Variants in HP1BP3 observed in about 807,000 individuals in gnomAD.
The protein encoded by HP1BP3 is heterochromatin protein 1-binding protein 3.
HP1BP3 carries 12 observed loss-of-function variants against 62.5 expected under a neutral mutation model. The ratio of observed to expected loss-of-function variants is 0.19; its 90% CI spans 0.12 to 0.31. The LOEUF is 0.31. Among genes scored for constraint, HP1BP3 ranks in the 10% least tolerant of loss-of-function variants. HP1BP3 has a pLI of 1.00. For synonymous variants in HP1BP3, 260 were observed against 237.8 expected (o/e 1.09, Z -0.86); for missense variants, 502 against 651.8 (o/e 0.77, Z 2.50).
chr1:20,772,881 CTATG>C (rs1172254117), intron 5 of HP1BP3, among the ~76,000 whole-genome samples: 1 of 152,032 alleles, frequency 6.6e-6, no homozygotes, highest in African/African-American at 2.4e-5. Flanking sequence ...AATCATAAAT[CTATG>C]TAAGGAGGAT....
At chr1:20,766,067 T>G (rs2056768528) in intron 7 of HP1BP3, among the ~76,000 whole-genome samples, 1 of 151,764 alleles carries the variant, frequency 6.6e-6, no homozygotes, top group Non-Finnish European at 1.5e-5. Flanking sequence ...TGAGGTGGGC[T>G]GATAACCTGA....
intron 8 of HP1BP3, among the ~76,000 whole-genome samples, chr1:20,757,912 G>A (rs1453974413): frequency 2.0e-5 from 3 of 152,054 alleles, no homozygotes; most frequent in Admixed American, 6.6e-5. Flanking sequence ...TTGGGAGGCC[G>A]AGGCGGGTGG....
Position 20,757,234 on chromosome 1 carries a change from G to C in HP1BP3, c.913C>G (p.Leu305Val). 1.9e-6 allele frequency: 3 copies of C among 1,608,436 alleles called. No homozygotes were observed. Among genetic ancestry groups the C allele is most frequent in the Non-Finnish European group, 2.5e-6 (3 of 1,178,116 alleles). ...TGGCCCCTCTCTACTGCTCTCTGCA[G>C]AGCGTTCTTCAACAGCTGAGGCCTG... Reference protein sequence around the residue: ...DIRPQLLKNALQRAVERGQLE... With the variant: ...DIRPQLLKNAVQRAVERGQLE... The change falls in exon 9 of 13, where the codon CTG becomes GTG. Residue 305 changes from leucine to valine, a missense_variant. Around this residue, in one of 5 missense-constraint regions of HP1BP3, gnomAD observed 111 missense variants for 242.0 expected, o/e 0.46. Coordinates refer to ENST00000438032, the MANE Select transcript of HP1BP3 (RefSeq NM_001372052.1).
At chr1:20,762,924 G>C (rs1163174903) in intron 8 of HP1BP3, among the ~76,000 whole-genome samples, 1 of 152,174 alleles carries the variant, frequency 6.6e-6, no homozygotes, top group Non-Finnish European at 1.5e-5. Flanking sequence ...GGAGATAAAA[G>C]TGAAATATGA....
At position 20,749,757 on chromosome 1, in the gene HP1BP3, T is replaced by C. The variant is rs772493212; in HGVS notation, c.1107A>G (p.Leu369=). 1.2e-6 allele frequency: 2 copies of C among 1,613,652 alleles called. No individual in the cohort carries two copies. Among genetic ancestry groups the C allele is most frequent in the African/African-American group, 1.3e-5 (1 of 74,920 alleles). ...TAGAATTGGTTCCTGGGTGATTCTC[T>C]AGGACATACTTCTTCAGAGCAGTGG... ...CSTTALKKYV[L]ENHPGTNSNY... is the part of the protein sequence containing the mutation. Residue 369 remains leucine, a synonymous_variant, in exon 10 of 13, where the codon CTA becomes CTG. Transcript: ENST00000438032.
chr1:20,757,070 C>A, intron 9 of HP1BP3, 96 bp downstream of exon 9: 5 of 673,802 alleles, frequency 7.4e-6, no homozygotes, highest in Non-Finnish European at 1.3e-5. Context: ...AACAAAAGTT[C>A]TTTGAGGTCC....
At chr1:20,759,553 C>A (rs12145181) in intron 8 of HP1BP3, among the ~76,000 whole-genome samples, 68,000 of 152,100 alleles carry the variant, frequency 0.45, 15,550 homozygotes, top group African/African-American at 0.46. Context: ...GGCACTCTGA[C>A]ACCCAGAAGA....
intron 8 of HP1BP3, among the ~76,000 whole-genome samples, chr1:20,759,879 G>GCTTT (rs2056358799): frequency 9.9e-6 from 1 of 100,948 alleles, no homozygotes; most frequent in African/African-American, 3.8e-5. Context: ...TTTAAAGACC[G>GCTTT]ATTTTTTTTT....
chr1:20,741,717 A>T lies in HP1BP3; in HGVS notation c.*3080T>A, dbSNP rs1264732433. On this transcript the variant is annotated 3_prime_UTR_variant, in exon 13 of 13. Transcript: ENST00000438032. ...TCCCAGCACTTTCTGAGACTCATTTATCAAAGGTAGCTTGTAGGTAGTTTC... is the reference window on the plus strand; with the variant it reads ...TCCCAGCACTTTCTGAGACTCATTTTTCAAAGGTAGCTTGTAGGTAGTTTC... Among the ~76,000 whole-genome samples the T allele has an allele frequency of 1.3e-5, 2 of 152,350 alleles. No individual in the cohort carries two copies.
chr1:20,772,973 C>G (rs2057127422), intron 5 of HP1BP3, among the ~76,000 whole-genome samples: 1 of 152,126 alleles, frequency 6.6e-6, no homozygotes, highest in South Asian at 2.1e-4. Context: ...AAGATAACCA[C>G]TACCAAGATC....
At chr1:20,782,899 C>CAAA (rs1395732762) in intron 1 of HP1BP3, among the ~76,000 whole-genome samples, 1 of 69,810 alleles carries the variant, frequency 1.4e-5, no homozygotes, top group African/African-American at 6.4e-5. Context: ...GACTCCTTCT[C>CAAA]AAAAAAAAGA....
At chr1:20,746,407 T>C (rs1189723816) in intron 11 of HP1BP3, among the ~76,000 whole-genome samples, 1 of 152,150 alleles carries the variant, frequency 6.6e-6, no homozygotes, top group Non-Finnish European at 1.5e-5. Context: ...AATTTAATGT[T>C]TAATGTTCGA....
chr1:20,786,946 C>A (rs2057869217), intron 1 of HP1BP3, among the ~76,000 whole-genome samples: 1 of 152,038 alleles, frequency 6.6e-6, no homozygotes, highest in South Asian at 2.1e-4. Flanking sequence ...CGGGAGCGCG[C>A]GCGCCGGAGG....
chr1:20,783,719 G>A (rs1357975169), intron 1 of HP1BP3, among the ~76,000 whole-genome samples: 4 of 130,298 alleles, frequency 3.1e-5, no homozygotes, highest in South Asian at 5.1e-4. Flanking sequence ...GCAGTGAGCC[G>A]AGATCATGCC....
intron 1 of HP1BP3, among the ~76,000 whole-genome samples, chr1:20,782,662 GAGGCC>G (rs1012807671): frequency 2.0e-5 from 3 of 151,810 alleles, no homozygotes; most frequent in Non-Finnish European, 2.9e-5. Flanking sequence ...AGCACTTTGG[GAGGCC>G]GAGGCGGATA....
chr1:20,751,534 C>T (rs1570563051), intron 9 of HP1BP3, among the ~76,000 whole-genome samples: 2 of 151,588 alleles, frequency 1.3e-5, no homozygotes, highest in South Asian at 2.1e-4. Context: ...AGACCAACCT[C>T]GGCAACATAG....
In HP1BP3 at chr1:20,766,109, T is replaced by C. The variant is rs116180891; in HGVS notation, c.736-578A>G. Among the ~76,000 whole-genome samples, 987 of 152,082 alleles carry C rather than the reference T, an allele frequency of 6.5e-3. 9 individuals are homozygous for C. The highest frequency in any genetic ancestry group is 0.022 in the African/African-American group (932 of 41,486). On this transcript the variant is annotated intron_variant, in intron 7 of 12. Coordinates refer to ENST00000438032, the MANE Select transcript of HP1BP3 (RefSeq NM_001372052.1). ...AAGTTTGAGACCAGCCTGACCAACATGGTAAAACTCTGTCTCTAATAAAAA... is the reference window on the plus strand; with the variant it reads ...AAGTTTGAGACCAGCCTGACCAACACGGTAAAACTCTGTCTCTAATAAAAA...
intron 8 of HP1BP3, among the ~76,000 whole-genome samples, chr1:20,764,758 C>A (rs1275894857): frequency 6.6e-6 from 1 of 150,896 alleles, no homozygotes. Flanking sequence ...GGCCTGTAAT[C>A]CCAGCTATTC....
At chr1:20,769,824 A>G (rs2056971427) in intron 6 of HP1BP3, among the ~76,000 whole-genome samples, 1 of 152,248 alleles carries the variant, frequency 6.6e-6, no homozygotes, top group Non-Finnish European at 1.5e-5. Flanking sequence ...ACTGGCACAT[A>G]GGAGACAAGA....
Sources: gnomAD v4.1 joint callset for allele counts (sites outside exome capture counted in the v4.1 genomes callset) on GRCh38, gnomAD v4.1.1 for gene constraint, gnomAD v4.1.1 regional missense constraint, MANE v1.5 for transcripts, NCBI Gene and HGNC (gene_info 2026-07-23, HGNC 2026-07-21) for gene names.